Variants in TRPV1 observed in about 807,000 individuals in gnomAD.
TRPV1 encodes the protein transient receptor potential cation channel subfamily V member 1.
A neutral mutation model predicts 82.3 loss-of-function variants in TRPV1; 82 were observed. The observed-to-expected ratio is 1.00, with a 90% CI of 0.83 to 1.20. The LOEUF is 1.20. Among genes scored for constraint, TRPV1 ranks in the 50% most tolerant of loss-of-function variants. TRPV1 has a pLI of 0.00. For missense variants in TRPV1, 1,067 were observed against 1,096.8 expected (o/e 0.97, Z 0.38); for synonymous variants, 515 against 467.7 (o/e 1.10, Z -1.30).
At chr17:3,607,194 A>C (rs1393078264) in intron 2 of TRPV1, among the ~76,000 whole-genome samples, 3 of 151,992 alleles carry the variant, frequency 2.0e-5, no homozygotes, top group Non-Finnish European at 2.9e-5. Flanking sequence ...AAATACAAAA[A>C]TTAGCCAGGT....
intron 13 of TRPV1, among the ~76,000 whole-genome samples, chr17:3,574,670 C>T (rs910543565): frequency 5.3e-5 from 8 of 152,100 alleles, no homozygotes; most frequent in East Asian, 1.9e-4. Flanking sequence ...ATGTGGAGGC[C>T]GGGCATGGTG....
rs1435343125 is a variant in TRPV1 at position 3,585,898 on chromosome 17, G to T, written c.1253C>A (p.Pro418Gln). The T allele has an allele frequency of 6.2e-7, 1 of 1,613,946 alleles. No homozygotes were observed. The highest frequency in any genetic ancestry group is 1.1e-5 in the South Asian group (1 of 91,066). ...PNRHDMLLVEPLNRLLQDKWD... is the reference protein window; with the variant it reads ...PNRHDMLLVEQLNRLLQDKWD... ...CTTGTCCTGCAGGAGTCGGTTCAGC[G>T]GCTCCACCAAGAGCATGTCGTGGCG... Residue 418 changes from proline to glutamine, a missense_variant, in exon 9 of 17, where the codon CCG becomes CAG. Pro to Gln is a moderately conservative substitution (Grantham distance 76). Transcript: ENST00000572705.
chr17:3,590,953 G>A lies in TRPV1; in HGVS notation c.604+11C>T, dbSNP rs561943279. 105 of 1,589,800 alleles carry A rather than the reference G, an allele frequency of 6.6e-5. No individual in the cohort carries two copies. The highest frequency in any genetic ancestry group is 8.7e-5 in the Non-Finnish European group (102 of 1,169,306). On this transcript the variant is annotated intron_variant, in intron 5 of 16. Coordinates refer to ENST00000572705, the MANE Select transcript of TRPV1 (RefSeq NM_080704.4). Reference sequence around the variant, plus strand: ...GGGCTGAGCCATGCCCGGCCCCGCCGCCCTCCTCACCCTTGTAGTAGCTGT... The same window carrying A: ...GGGCTGAGCCATGCCCGGCCCCGCCACCCTCCTCACCCTTGTAGTAGCTGT...
chr17:3,602,689 G>A (rs879737271), intron 2 of TRPV1, among the ~76,000 whole-genome samples: 8 of 152,200 alleles, frequency 5.3e-5, no homozygotes, highest in Non-Finnish European at 7.3e-5. Flanking sequence ...CGCCACCGTC[G>A]CTAATGGTGA....
intron 2 of TRPV1, chr17:3,596,949 G>C (rs200257418): frequency 6.6e-6 from 1 of 152,306 alleles, no homozygotes; most frequent in Non-Finnish European, 1.5e-5. Context: ...CAGGCCCACG[G>C]GTGCTTGTGA....
At chr17:3,569,382 G>A (rs988436528) in intron 16 of TRPV1, among the ~76,000 whole-genome samples, 15 of 152,108 alleles carry the variant, frequency 9.9e-5, no homozygotes, top group African/African-American at 1.7e-4. Context: ...AGCCAAGATC[G>A]TGCCACTGCA....
At position 3,576,666 on chromosome 17, in the gene TRPV1, A is replaced by T. The variant is rs867943338; in HGVS notation, c.1780+460T>A. 3.1e-3 allele frequency among the ~76,000 whole-genome samples: 116 copies of T among 37,894 alleles called. 1 individual carries two copies. The highest frequency in any genetic ancestry group is 0.019 in the Middle Eastern group (1 of 52). The allele number at this position is 37,894 out of a possible 152,430, so 24.9% of individuals were successfully genotyped here. On this transcript the variant is annotated intron_variant, in intron 13 of 16. Coordinates refer to ENST00000572705, the MANE Select transcript of TRPV1 (RefSeq NM_080704.4). ...GACTCTGTATGAGAAAAAAAAAAAA[A>T]AAATATATATATATATATATATATG... is the stretch of plus-strand genomic sequence containing the variant.
chr17:3,569,813 G>A (rs968398418), intron 16 of TRPV1, among the ~76,000 whole-genome samples: 1 of 152,156 alleles, frequency 6.6e-6, no homozygotes, highest in Non-Finnish European at 1.5e-5. Flanking sequence ...GAAGGTCTCT[G>A]GGCCTCTGAG....
intron 10 of TRPV1, among the ~76,000 whole-genome samples, chr17:3,582,946 CAA>C (rs34771586): frequency 9.0e-4 from 116 of 129,050 alleles, no homozygotes; most frequent in East Asian, 8.5e-4. Context: ...AACTCCACCT[CAA>C]AAAAAAAAAA....
chr17:3,589,277 G>A (rs1317590989), intron 7 of TRPV1, among the ~76,000 whole-genome samples: 1 of 150,488 alleles, frequency 6.6e-6, no homozygotes, highest in Non-Finnish European at 1.5e-5. Context: ...CAAAATCTTG[G>A]CTCACTGCCA....
At position 3,573,945 on chromosome 17, in the gene TRPV1, C is replaced by T. The variant is rs781195787; in HGVS notation, c.1791G>A (p.Thr597=). ...AGTCATTCTTCCCGTCTTCAATCAG[C>T]GTCACCACCGCTACAGGGCACAGGG... The part of the protein sequence containing the change: ...FLFGFSTAVV[T]LIEDGKNDSL... The change falls in exon 14 of 17, where the codon ACG becomes ACA. Residue 597 remains threonine, a synonymous_variant. Transcript: ENST00000572705. The T allele has an allele frequency of 5.0e-6, 8 of 1,602,738 alleles. No homozygotes were observed. Among genetic ancestry groups the T allele is most frequent in the South Asian group, 1.1e-5 (1 of 89,660 alleles).
At chr17:3,597,212 T>C (rs1419491813) in intron 2 of TRPV1, 1 of 155,638 alleles carries the variant, frequency 6.4e-6, no homozygotes, top group African/African-American at 2.4e-5. Flanking sequence ...AGAAACCACT[T>C]AGCTGCTGCC....
Position 3,571,522 on chromosome 17 carries a change from A to C in TRPV1, c.2347+2T>G. The C allele has an allele frequency of 1.9e-6, 3 of 1,593,354 alleles. No individual in the cohort carries two copies. The highest frequency in any genetic ancestry group is 2.3e-5 in the South Asian group (2 of 87,484). On this transcript the variant is annotated splice_donor_variant, in intron 16 of 16. Transcript: ENST00000572705. LOFTEE classifies it high-confidence loss of function. ...CGCCAAGCACCGGCCCTCACGCCTC[A>C]CCTCTGCTTGACCGCAGGGAGAAGC...
In TRPV1 at chr17:3,580,011, T is replaced by C. The variant is rs527988053; in HGVS notation, c.1547+446A>G. Among the ~76,000 whole-genome samples the C allele has an allele frequency of 3.5e-4, 51 of 144,144 alleles. 1 individual carries two copies. In the East Asian group the frequency reaches 0.011, roughly 31 times the overall value. The allele number at this position is 144,144 out of a possible 152,430, so 94.6% of individuals were successfully genotyped here. Reference sequence around the variant, plus strand: ...GGTGATGCTGCTATATACTCTACGATGCACAGGGCAGCCCCCGCCCCGCCC... The same window carrying C: ...GGTGATGCTGCTATATACTCTACGACGCACAGGGCAGCCCCCGCCCCGCCC... On this transcript the variant is annotated intron_variant, in intron 11 of 16. Coordinates refer to ENST00000572705, the MANE Select transcript of TRPV1 (RefSeq NM_080704.4).
intron 11 of TRPV1, among the ~76,000 whole-genome samples, chr17:3,579,665 G>T (rs187587076): frequency 6.6e-6 from 1 of 151,986 alleles, no homozygotes; most frequent in South Asian, 2.1e-4. Context: ...TAGTAGAGAC[G>T]GGGTTTCACC....
At chr17:3,571,295 C>T (rs2150824871) in intron 16 of TRPV1, among the ~76,000 whole-genome samples, 1 of 152,318 alleles carries the variant, frequency 6.6e-6, no homozygotes, top group South Asian at 2.1e-4. Flanking sequence ...CAGCCGCCTG[C>T]ACGGGCCCAG....
intron 2 of TRPV1, among the ~76,000 whole-genome samples, chr17:3,605,206 C>A (rs1403407930): frequency 6.6e-6 from 1 of 152,066 alleles, no homozygotes; most frequent in Admixed American, 6.6e-5. Context: ...GATAACACTA[C>A]CCACCTTCTA....
At position 3,588,984 on chromosome 17, in the gene TRPV1, AAG is replaced by A. The variant is rs778249750; in HGVS notation, c.1045-619_1045-618del. On this transcript the variant is annotated intron_variant, in intron 7 of 16. Coordinates refer to ENST00000572705, the MANE Select transcript of TRPV1 (RefSeq NM_080704.4). ...GATAACCTCAAGCCAGAAAGAAAGAAAGAGAATGCAAGAAATGAGAGCCAGAT... is the reference window on the plus strand; with the variant it reads ...GATAACCTCAAGCCAGAAAGAAAGAAAGAATGCAAGAAATGAGAGCCAGAT... 409 of 1,533,424 alleles carry A rather than the reference AAG, an allele frequency of 2.7e-4. 3 individuals are homozygous for A. Among genetic ancestry groups the A allele is most frequent in the South Asian group, 2.5e-3 (209 of 84,008 alleles). The allele number at this position is 1,533,424 out of a possible 1,614,324, so 95.0% of individuals were successfully genotyped here.
At position 3,602,742 on chromosome 17, in the gene TRPV1, A is replaced by C. The variant is rs189748555; in HGVS notation, c.-34+5685T>G. Among the ~76,000 whole-genome samples the C allele has an allele frequency of 2.6e-5, 4 of 152,290 alleles. No homozygotes were observed. In the East Asian group the frequency reaches 7.7e-4, roughly 29 times the overall value. ...TACCACTAGGGGGCACATTGACTTA[A>C]GCTGAGTTCTTGACATTAAGCTGAG... On this transcript the variant is annotated intron_variant, in intron 2 of 16. Transcript: ENST00000572705.
Sources: allele counts gnomAD v4.1 joint callset (sites outside exome capture counted in the v4.1 genomes callset), GRCh38; gene constraint gnomAD v4.1.1; transcripts MANE v1.5; gene names NCBI Gene and HGNC (gene_info 2026-07-23, HGNC 2026-07-21).